Variants in GPR63 observed in about 807,000 individuals in gnomAD.
The protein encoded by GPR63 is G protein-coupled receptor 63.
GPR63 carries 12 observed loss-of-function variants against 23.1 expected under a neutral mutation model. The ratio of observed to expected loss-of-function variants is 0.52; its 90% CI spans 0.33 to 0.84. The LOEUF (loss-of-function observed/expected upper bound fraction) is 0.84. Among genes scored for constraint, GPR63 ranks in the 40% least tolerant of loss-of-function variants. The pLI is 0.02. For missense variants in GPR63, 472 were observed against 515.6 expected, an observed-to-expected ratio of 0.92 and a Z score of 0.82; for synonymous variants, 172 against 191.1, an observed-to-expected ratio of 0.90 and a Z score of 0.82.
intron 1 of GPR63, among the ~76,000 whole-genome samples, chr6:96,824,005 G>A (rs1774373482): frequency 6.6e-6 from 1 of 151,854 alleles, no homozygotes; most frequent in African/African-American, 2.4e-5. Context: ...GAACATTTAT[G>A]TGTACATGTT....
chr6:96,833,513 G>GT (rs1376996931), intron 1 of GPR63, among the ~76,000 whole-genome samples: 1 of 152,144 alleles, frequency 6.6e-6, no homozygotes, highest in East Asian at 1.9e-4. Flanking sequence ...TAGGAGAAAG[G>GT]TAACAGCTAG....
At chr6:96,831,899 C>G (rs1774592566) in intron 1 of GPR63, among the ~76,000 whole-genome samples, 1 of 150,756 alleles carries the variant, frequency 6.6e-6, no homozygotes, top group East Asian at 1.9e-4. Context: ...CGGTGAGACT[C>G]TGTCACAAAA....
rs1414039087 is a variant in GPR63, at chr6:96,799,180, G to T, written c.552C>A (p.Val184=). ...IISIDRFLII[V]QRQDKLNPYR... ...ATGGGTTTAGCTTATCCTGCCTCTG[G>T]ACTATAATAAGGAACCTATCTATGC... Residue 184 remains valine (V), a synonymous_variant, in exon 2 of 2, where the codon GTC becomes GTA. Coordinates refer to ENST00000229955, the MANE Select transcript of GPR63 (RefSeq NM_030784.4). The T allele has an allele frequency of 6.2e-7, 1 of 1,614,108 alleles. No individual in the cohort carries two copies. The highest frequency in any genetic ancestry group is 8.5e-7 in the Non-Finnish European group (1 of 1,180,016).
intron 1 of GPR63, among the ~76,000 whole-genome samples, chr6:96,821,187 C>T (rs917408481): frequency 3.3e-5 from 5 of 152,128 alleles, no homozygotes; most frequent in African/African-American, 1.2e-4. Context: ...AAAGATTAAG[C>T]GAGATAGCAA....
rs1773531786 is a variant in GPR63, at chr6:96,794,487, G to T, written c.*3985C>A. The T allele has an allele frequency of 6.6e-6, 1 of 152,020 alleles. No homozygotes were observed. 9.4% of individuals were successfully genotyped at this position (152,020 alleles called of 1,614,324 possible). ...ACTAAAAATCATTGTAGAATAAAAT[G>T]TCAAGCAAGTGAAAACTTTTCTGTG... On this transcript the variant is annotated 3_prime_UTR_variant, in exon 2 of 2. Transcript: ENST00000229955.
intron 1 of GPR63, among the ~76,000 whole-genome samples, chr6:96,826,923 C>T (rs1013607136): frequency 1.3e-5 from 2 of 151,476 alleles, no homozygotes; most frequent in African/African-American, 2.4e-5. Context: ...TTAAAATGTG[C>T]CGAAGTCAGT....
At chr6:96,814,135 C>G (rs542718416) in intron 1 of GPR63, among the ~76,000 whole-genome samples, 3 of 152,044 alleles carry the variant, frequency 2.0e-5, no homozygotes, top group Non-Finnish European at 4.4e-5. Flanking sequence ...AACTTTATAT[C>G]TAATACATAC....
At position 96,796,253 on chromosome 6, in the gene GPR63, C is replaced by G. The variant is rs1773575989; in HGVS notation, c.*2219G>C. On this transcript the variant is annotated 3_prime_UTR_variant, in exon 2 of 2. Coordinates refer to ENST00000229955, the MANE Select transcript of GPR63 (RefSeq NM_030784.4). ...TGAGGTGATGCTGAAGTCAGCTAGG[C>G]TCTTCAAAAATCTATACCCTAGTAT... 1 of 152,154 alleles carries G rather than the reference C, an allele frequency of 6.6e-6. No individual in the cohort carries two copies. The highest frequency in any genetic ancestry group is 1.5e-5 in the Non-Finnish European group (1 of 68,034). The allele number at this position is 152,154 out of a possible 1,614,324, so 9.4% of individuals were successfully genotyped here.
chr6:96,832,443 T>TG (rs1391059918), intron 1 of GPR63, among the ~76,000 whole-genome samples: 3 of 151,052 alleles, frequency 2.0e-5, no homozygotes, highest in Non-Finnish European at 4.4e-5. Flanking sequence ...TTTTTTTTTT[T>TG]TTTACTTTTT....
chr6:96,812,435 T>C (rs959286850), intron 1 of GPR63, among the ~76,000 whole-genome samples: 8 of 152,100 alleles, frequency 5.3e-5, no homozygotes, highest in Admixed American at 6.6e-5. Flanking sequence ...CCATAAATAC[T>C]AAAAAGAAAT....
chr6:96,797,917 A>C lies in GPR63; in HGVS notation c.*555T>G, dbSNP rs1773633730. 1 of 152,436 alleles carries C rather than the reference A, an allele frequency of 6.6e-6. No homozygotes were observed. Among genetic ancestry groups the C allele is most frequent in the Non-Finnish European group, 1.5e-5 (1 of 68,192 alleles). The allele number at this position is 152,436 out of a possible 1,614,324, so 9.4% of individuals were successfully genotyped here. On this transcript the variant is annotated 3_prime_UTR_variant, in exon 2 of 2. Transcript: ENST00000229955. ...TCATGTATAAAAACAATTCTGAAAA[A>C]TAAGACTGAATTAATTTGTACATTA...
intron 1 of GPR63, among the ~76,000 whole-genome samples, chr6:96,833,652 A>G (rs1358775429): frequency 2.6e-5 from 4 of 152,204 alleles, no homozygotes; most frequent in Admixed American, 6.5e-5. Flanking sequence ...GTCAATTGAG[A>G]GAAAGAAGTT....
At chr6:96,815,336 G>T (rs1272321045) in intron 1 of GPR63, among the ~76,000 whole-genome samples, 1 of 152,184 alleles carries the variant, frequency 6.6e-6, no homozygotes, top group Non-Finnish European at 1.5e-5. Context: ...AAATTGGAAT[G>T]GCTCTGATTC....
chr6:96,823,443 C>T (rs751720039), intron 1 of GPR63, among the ~76,000 whole-genome samples: 31 of 151,850 alleles, frequency 2.0e-4, no homozygotes, highest in Admixed American at 8.5e-4. Context: ...TAGAAAAAGG[C>T]ATATAGACTA....
intron 1 of GPR63, among the ~76,000 whole-genome samples, chr6:96,815,651 G>T (rs1157997861): frequency 6.6e-6 from 1 of 152,212 alleles, no homozygotes; most frequent in Non-Finnish European, 1.5e-5. Flanking sequence ...TGCCTTGGCT[G>T]TGGTGAAGAT....
At chr6:96,813,234 TTGTC>T (rs1409392568) in intron 1 of GPR63, among the ~76,000 whole-genome samples, 1 of 152,198 alleles carries the variant, frequency 6.6e-6, no homozygotes, top group Non-Finnish European at 1.5e-5. Flanking sequence ...CTTTATCCCT[TTGTC>T]TGTTGATGGA....
chr6:96,807,761 TAAG>T (rs1336982027), intron 1 of GPR63, among the ~76,000 whole-genome samples: 1 of 152,212 alleles, frequency 6.6e-6, no homozygotes, highest in African/African-American at 2.4e-5. Context: ...TCTGCATTCT[TAAG>T]AATAACCTTT....
At chr6:96,830,609 T>G in intron 1 of GPR63, among the ~76,000 whole-genome samples, 1 of 152,166 alleles carries the variant, frequency 6.6e-6, no homozygotes, top group East Asian at 1.9e-4. Flanking sequence ...TGGAAAACAG[T>G]AACTGTCCCA....
In GPR63 at chr6:96,831,602, G is replaced by A. The variant is rs186424275; in HGVS notation, c.-151+5666C>T. ...GTTTTACCCAAAGGGAATAACCATA[G>A]GTATGTATAAAAATTGAGCTATAGC... On this transcript the variant is annotated intron_variant, in intron 1 of 1. Coordinates refer to ENST00000229955, the MANE Select transcript of GPR63 (RefSeq NM_030784.4). Among the ~76,000 whole-genome samples the A allele has an allele frequency of 4.6e-3, 693 of 152,206 alleles. 3 individuals carry two copies. The highest frequency in any genetic ancestry group is 5.8e-3 in the Non-Finnish European group (394 of 68,018).
Sources: gnomAD v4.1 joint callset for allele counts (sites outside exome capture counted in the v4.1 genomes callset) on GRCh38, gnomAD v4.1.1 for gene constraint, MANE v1.5 for transcripts, NCBI Gene and HGNC (gene_info 2026-07-23, HGNC 2026-07-21) for gene names.